Variants in TYW1 observed in about 807,000 individuals in gnomAD.
TYW1 encodes the protein S-adenosyl-L-methionine-dependent tRNA 4-demethylwyosine synthase TYW1.
A neutral mutation model predicts 96.2 loss-of-function variants in TYW1; 46 were observed. The observed-to-expected ratio is 0.48, with a 90% CI of 0.38 to 0.61. The LOEUF (loss-of-function observed/expected upper bound fraction) is 0.61, where lower values mean the gene tolerates loss of function less well. Ranked by LOEUF, TYW1 falls within the 20% of genes least tolerant of loss-of-function variation. TYW1 has a pLI of 0.00. For missense variants in TYW1, 684 were observed against 909.6 expected, an observed-to-expected ratio of 0.75 and a Z score of 3.19; for synonymous variants, 274 against 323.0, an observed-to-expected ratio of 0.85 and a Z score of 1.63.
intron 9 of TYW1, 37 bp downstream of exon 9, chr7:67,055,924 T>C (rs1226614394): frequency 1.3e-6 from 2 of 1,531,974 alleles, no homozygotes; most frequent in South Asian, 2.3e-5. Context: ...GTCTATTACA[T>C]GCAACTTTTA....
At chr7:67,194,883 A>G (rs564421269) in intron 14 of TYW1, among the ~76,000 whole-genome samples, 3 of 143,400 alleles carry the variant, frequency 2.1e-5, no homozygotes, top group Non-Finnish European at 4.6e-5. Context: ...ATTCAAATAC[A>G]TTATTGTGAC....
At chr7:67,060,495 C>T (rs1795663372) in intron 9 of TYW1, among the ~76,000 whole-genome samples, 1 of 152,216 alleles carries the variant, frequency 6.6e-6, no homozygotes, top group Admixed American at 6.5e-5. Context: ...GTTAAATCAC[C>T]ATAGGGAATT....
At chr7:67,217,398 G>A (rs1452691819) in intron 15 of TYW1, among the ~76,000 whole-genome samples, 1 of 152,110 alleles carries the variant, frequency 6.6e-6, no homozygotes, top group Non-Finnish European at 1.5e-5. Context: ...TAAGTCTTAT[G>A]TTTAGGTCTT....
chr7:66,997,064 G>A (rs1422888374), intron 1 of TYW1, 82 bp downstream of exon 1: 34 of 1,597,950 alleles, frequency 2.1e-5, no homozygotes, highest in Middle Eastern at 2.0e-4. Context: ...GCGGAGTGGC[G>A]TCCTCGGTCC....
chr7:67,144,024 A>C (rs1410814457), intron 13 of TYW1, among the ~76,000 whole-genome samples: 1 of 152,248 alleles, frequency 6.6e-6, no homozygotes, highest in Non-Finnish European at 1.5e-5. Flanking sequence ...AACATTACAG[A>C]AAAACAATTT....
intron 15 of TYW1, among the ~76,000 whole-genome samples, chr7:67,238,036 C>CG: frequency 6.6e-6 from 1 of 152,000 alleles, no homozygotes; most frequent in South Asian, 2.1e-4. Context: ...CCTGTGTCAG[C>CG]GGGACTGCTT....
At chr7:67,014,604 C>A (rs1446623876) in intron 5 of TYW1, 43 bp downstream of exon 5, 39 of 1,538,442 alleles carry the variant, frequency 2.5e-5, no homozygotes, top group Non-Finnish European at 3.4e-5. Context: ...TCCCCATAAA[C>A]ACACACACAC....
intron 13 of TYW1, among the ~76,000 whole-genome samples, chr7:67,170,569 A>T (rs1483132771): frequency 1.3e-5 from 2 of 152,180 alleles, no homozygotes; most frequent in Non-Finnish European, 2.9e-5. Context: ...CATTTCATAC[A>T]TTTACAGTCT....
At chr7:67,074,637 A>G (rs1456527910) in intron 10 of TYW1, among the ~76,000 whole-genome samples, 1 of 152,238 alleles carries the variant, frequency 6.6e-6, no homozygotes, top group African/African-American at 2.4e-5. Context: ...ATATAACAAG[A>G]ATGTCAGAAA....
chr7:67,232,012 CT>C (rs1314567158), intron 15 of TYW1, among the ~76,000 whole-genome samples: 1 of 152,086 alleles, frequency 6.6e-6, no homozygotes, highest in African/African-American at 2.4e-5. Flanking sequence ...GGTGAATCAC[CT>C]GAGGTCAGGA....
chr7:67,055,860 G>A lies in TYW1; in HGVS notation c.1128G>A (p.Ser376=), dbSNP rs1270620541. ...KQGYQLIGSH[S]GVKLCRWTKS... ...GTTATCAGTTGATTGGGAGCCACTC[G>A]GGGGTGAAGCTTTGCAGGTGGACAA... Residue 376 remains serine, a synonymous_variant, in exon 9 of 16, where the codon TCG becomes TCA. Transcript: ENST00000359626. 19 of 1,612,822 alleles carry A rather than the reference G, an allele frequency of 1.2e-5. No homozygotes were observed. Among genetic ancestry groups the A allele is most frequent in the Admixed American group, 1.7e-5 (1 of 59,852 alleles).
intron 13 of TYW1, among the ~76,000 whole-genome samples, chr7:67,172,219 T>C (rs1386990539): frequency 6.6e-6 from 1 of 151,846 alleles, no homozygotes; most frequent in Non-Finnish European, 1.5e-5. Context: ...TTAGTATTTA[T>C]TTTTTTATTA....
intron 7 of TYW1, among the ~76,000 whole-genome samples, chr7:67,032,914 T>TTTTTTTTTTTG (rs1794717280): frequency 1.7e-5 from 2 of 118,186 alleles, no homozygotes; most frequent in African/African-American, 6.2e-5. Flanking sequence ...TTTTTTTTTT[T>TTTTTTTTTTTG]GAGACAGAAT....
At chr7:67,191,424 G>A (rs191823846) in intron 14 of TYW1, among the ~76,000 whole-genome samples, 4 of 152,146 alleles carry the variant, frequency 2.6e-5, no homozygotes, top group Admixed American at 2.6e-4. Flanking sequence ...TTACTCCTCA[G>A]CCTGCAGATT....
intron 11 of TYW1, among the ~76,000 whole-genome samples, chr7:67,094,790 CA>C: frequency 6.6e-6 from 1 of 151,900 alleles, no homozygotes; most frequent in Admixed American, 6.6e-5. Context: ...CTAGGAGATC[CA>C]GGAGTGGCCA....
chr7:67,100,621 TGGATCACGA>T (rs1469377119), intron 12 of TYW1, among the ~76,000 whole-genome samples: 1 of 151,622 alleles, frequency 6.6e-6, no homozygotes, highest in African/African-American at 2.4e-5. Flanking sequence ...CCGAGACGGG[TGGATCACGA>T]GGTCATGAGA....
At chr7:67,221,861 C>CTT (rs58609089) in intron 15 of TYW1, among the ~76,000 whole-genome samples, 15,178 of 144,246 alleles carry the variant, frequency 0.11, 896 homozygotes, top group Admixed American at 0.14. Context: ...TAATACTTGT[C>CTT]TTTTTTTTTT....
intron 15 of TYW1, among the ~76,000 whole-genome samples, chr7:67,209,943 A>G (rs1205520690): frequency 4.6e-5 from 7 of 152,136 alleles, no homozygotes; most frequent in Non-Finnish European, 2.9e-5. Context: ...AGACTGTATT[A>G]TGGAGAGTTC....
At chr7:67,207,769 G>C (rs1276625266) in intron 15 of TYW1, among the ~76,000 whole-genome samples, 1 of 129,978 alleles carries the variant, frequency 7.7e-6, no homozygotes, top group African/African-American at 2.9e-5. Context: ...CTCCCAGGCT[G>C]GAGTGCAATG....
Sources: gnomAD v4.1 joint callset for allele counts (sites outside exome capture counted in the v4.1 genomes callset) on GRCh38, gnomAD v4.1.1 for gene constraint, MANE v1.5 for transcripts, NCBI Gene and HGNC (gene_info 2026-07-23, HGNC 2026-07-21) for gene names.